GRM8: variants seen among roughly 807,000 people sequenced by gnomAD.
GRM8 encodes the protein glutamate metabotropic receptor 8, also known as metabotropic glutamate receptor 8.
A neutral mutation model predicts 87.2 loss-of-function variants in GRM8; 47 were observed. The ratio of observed to expected loss-of-function variants is 0.54; its 90% CI spans 0.43 to 0.69. GRM8 has a LOEUF of 0.69. Ranked by LOEUF, GRM8 falls within the 30% of genes least tolerant of loss-of-function variation. The pLI, the probability that GRM8 is intolerant of heterozygous loss-of-function variation, is 0.00. For missense variants in GRM8, 1,019 were observed against 1,139.2 expected (o/e 0.89, Z 1.52); for synonymous variants, 396 against 404.5 (o/e 0.98, Z 0.25).
intron 3 of GRM8, among the ~76,000 whole-genome samples, chr7:126,967,052 T>A (rs1034861570): frequency 6.6e-6 from 1 of 152,246 alleles, no homozygotes; most frequent in African/African-American, 2.4e-5. Context: ...TTGTTAGATT[T>A]ATTCATCCTG....
At chr7:126,860,754 C>G (rs1313542813) in intron 6 of GRM8, among the ~76,000 whole-genome samples, 1 of 152,060 alleles carries the variant, frequency 6.6e-6, no homozygotes, top group Non-Finnish European at 1.5e-5. Context: ...CATTTACTGG[C>G]CAAAACATGG....
intron 9 of GRM8, among the ~76,000 whole-genome samples, chr7:126,484,349 G>A (rs565063088): frequency 1.3e-5 from 2 of 152,126 alleles, no homozygotes; most frequent in African/African-American, 2.4e-5. Flanking sequence ...TAAGGAAATA[G>A]CTGAAATGGA....
At position 127,096,912 on chromosome 7, in the gene GRM8, A is replaced by G. The variant is rs570112934; in HGVS notation, c.727+9584T>C. On this transcript the variant is annotated intron_variant, in intron 3 of 10. Transcript: ENST00000339582. ...CGAAGGTTCCCATGCGTTATCAAAG[A>G]TAATGCATAAGGCATGGTTGGAAGC... is the stretch of plus-strand genomic sequence containing the variant. Among the ~76,000 whole-genome samples the G allele has an allele frequency of 2.6e-5, 4 of 152,288 alleles. No individual in the cohort carries two copies. In the South Asian group the frequency reaches 8.3e-4, roughly 32 times the overall value.
chr7:126,821,143 T>A (rs1794261392), intron 6 of GRM8, among the ~76,000 whole-genome samples: 1 of 152,202 alleles, frequency 6.6e-6, no homozygotes, highest in Non-Finnish European at 1.5e-5. Context: ...ATTACCTTTC[T>A]ACTGATCCCT....
chr7:127,070,916 T>C (rs1469265960), intron 3 of GRM8, among the ~76,000 whole-genome samples: 1 of 152,208 alleles, frequency 6.6e-6, no homozygotes, highest in Admixed American at 6.5e-5. Context: ...TTTGGAAATA[T>C]TATAATCCTG....
chr7:127,124,283 G>A (rs1587083123), intron 2 of GRM8, among the ~76,000 whole-genome samples: 1 of 152,084 alleles, frequency 6.6e-6, no homozygotes, highest in East Asian at 1.9e-4. Flanking sequence ...TATTCAAACT[G>A]CTCTAAGCAA....
intron 9 of GRM8, among the ~76,000 whole-genome samples, chr7:126,495,022 A>G (rs142683433): frequency 2.0e-5 from 3 of 152,196 alleles, no homozygotes; most frequent in Non-Finnish European, 4.4e-5. Context: ...AATTAAACAA[A>G]TAAAATGCAA....
chr7:126,958,643 C>T (rs1299588404), intron 3 of GRM8, among the ~76,000 whole-genome samples: 1 of 152,148 alleles, frequency 6.6e-6, no homozygotes, highest in Non-Finnish European at 1.5e-5. Context: ...CGAGCTCAGC[C>T]TATCAGGACA....
At chr7:127,177,896 G>C (rs1024826870) in intron 2 of GRM8, among the ~76,000 whole-genome samples, 2 of 152,082 alleles carry the variant, frequency 1.3e-5, no homozygotes, top group African/African-American at 4.8e-5. Flanking sequence ...ACCCAAATGA[G>C]AAGGAACCAG....
intron 3 of GRM8, among the ~76,000 whole-genome samples, chr7:127,062,022 T>C (rs17867751): frequency 0.056 from 8,437 of 151,912 alleles, 282 homozygotes; most frequent in South Asian, 0.13. Context: ...TGTGTGCCTG[T>C]AATCCCGGCT....
At chr7:126,675,093 A>G (rs945269674) in intron 7 of GRM8, among the ~76,000 whole-genome samples, 1 of 152,226 alleles carries the variant, frequency 6.6e-6, no homozygotes, top group Non-Finnish European at 1.5e-5. Flanking sequence ...GGGCCTTTAC[A>G]AAGTACATAG....
intron 2 of GRM8, among the ~76,000 whole-genome samples, chr7:127,197,339 C>T (rs887158336): frequency 3.3e-5 from 5 of 152,128 alleles, no homozygotes; most frequent in Non-Finnish European, 5.9e-5. Flanking sequence ...CACAGATAGA[C>T]AATTGTCAAA....
chr7:126,596,027 G>A (rs1797154280), intron 8 of GRM8, among the ~76,000 whole-genome samples: 1 of 152,112 alleles, frequency 6.6e-6, no homozygotes, highest in African/African-American at 2.4e-5. Flanking sequence ...AGGAGGCTGA[G>A]CCACAAGAAT....
intron 6 of GRM8, among the ~76,000 whole-genome samples, chr7:126,842,951 A>G (rs1457978129): frequency 6.6e-6 from 1 of 152,220 alleles, no homozygotes; most frequent in South Asian, 2.1e-4. Context: ...TACAGCAGCA[A>G]TAGGGAACTA....
intron 7 of GRM8, among the ~76,000 whole-genome samples, chr7:126,638,917 A>T (rs2237749): frequency 6.6e-6 from 1 of 151,908 alleles, no homozygotes; most frequent in Non-Finnish European, 1.5e-5. Context: ...TGGGCACCCC[A>T]CTGCCACTTC....
At chr7:126,928,671 C>CA (rs57576564) in intron 3 of GRM8, among the ~76,000 whole-genome samples, 21,131 of 98,398 alleles carry the variant, frequency 0.21, 1,701 homozygotes, top group South Asian at 0.27. Context: ...GACCCTGCCT[C>CA]AAAAAAAAAA....
chr7:126,878,648 T>C (rs1205298786), intron 6 of GRM8, among the ~76,000 whole-genome samples: 1 of 150,528 alleles, frequency 6.6e-6, no homozygotes, highest in Non-Finnish European at 1.5e-5. Context: ...GCCTCCCAAA[T>C]AGCTGGGATT....
intron 1 of GRM8, among the ~76,000 whole-genome samples, chr7:127,248,409 T>C (rs17864172): frequency 2.0e-3 from 309 of 152,306 alleles, no homozygotes; most frequent in Middle Eastern, 3.4e-3. Flanking sequence ...CTTCCCTTAC[T>C]CCATGCCCCA....
chr7:126,981,446 T>TTAACTTA (rs1466071559), intron 3 of GRM8: 1 of 152,240 alleles, frequency 6.6e-6, no homozygotes, highest in African/African-American at 2.4e-5. Flanking sequence ...AGACCATATC[T>TTAACTTA]GGTGGACACT....
Sources: allele counts gnomAD v4.1 joint callset (sites outside exome capture counted in the v4.1 genomes callset), GRCh38; gene constraint gnomAD v4.1.1; transcripts MANE v1.5; gene names NCBI Gene and HGNC (gene_info 2026-07-23, HGNC 2026-07-21).